Variants in SLC10A7 observed in about 807,000 individuals in gnomAD.
SLC10A7 encodes the protein sodium/bile acid cotransporter 7.
Under a neutral mutation model 43.2 loss-of-function variants are expected in SLC10A7, and 29 were observed. The ratio of observed to expected loss-of-function variants is 0.67; its 90% CI spans 0.50 to 0.92. The LOEUF (loss-of-function observed/expected upper bound fraction) is 0.92. SLC10A7 is among the 40% of genes least tolerant of loss of function. SLC10A7 has a pLI of 0.00. For missense variants in SLC10A7, 295 were observed against 403.2 expected, an observed-to-expected ratio of 0.73 and a Z score of 2.30; for synonymous variants, 152 against 144.8, an observed-to-expected ratio of 1.05 and a Z score of -0.35.
chr4:146,373,768 G>C (rs1736963052), intron 5 of SLC10A7, among the ~76,000 whole-genome samples: 1 of 152,056 alleles, frequency 6.6e-6, no homozygotes, highest in Admixed American at 6.6e-5. Flanking sequence ...CTGGAGTGGG[G>C]CCCACATATG....
intron 5 of SLC10A7, among the ~76,000 whole-genome samples, chr4:146,376,166 T>A (rs1737183674): frequency 6.6e-6 from 1 of 152,088 alleles, no homozygotes; most frequent in African/African-American, 2.4e-5. Flanking sequence ...AACCTCCACA[T>A]ATTCAGCCTC....
At chr4:146,516,076 T>C (rs922210259) in intron 2 of SLC10A7, among the ~76,000 whole-genome samples, 3 of 152,000 alleles carry the variant, frequency 2.0e-5, no homozygotes, top group African/African-American at 7.2e-5. Flanking sequence ...TTAAAATAAA[T>C]AAAGGTAAGA....
intron 5 of SLC10A7, among the ~76,000 whole-genome samples, chr4:146,378,404 T>C (rs1467518771): frequency 6.6e-6 from 1 of 152,138 alleles, no homozygotes; most frequent in Non-Finnish European, 1.5e-5. Flanking sequence ...AGAAACTGAA[T>C]CACAAAGATA....
At chr4:146,420,461 C>T (rs1728885695) in intron 5 of SLC10A7, among the ~76,000 whole-genome samples, 2 of 152,022 alleles carry the variant, frequency 1.3e-5, no homozygotes, top group South Asian at 4.1e-4. Context: ...GCTTAAAAAA[C>T]GTACTTATTA....
At chr4:146,469,744 G>C (rs764961524) in intron 4 of SLC10A7, among the ~76,000 whole-genome samples, 1 of 151,950 alleles carries the variant, frequency 6.6e-6, no homozygotes, top group Non-Finnish European at 1.5e-5. Context: ...TCCTCCCACC[G>C]CAGCTTCCCG....
intron 5 of SLC10A7, among the ~76,000 whole-genome samples, chr4:146,400,798 C>T (rs1359027409): frequency 1.3e-5 from 2 of 152,100 alleles, no homozygotes; most frequent in Admixed American, 1.3e-4. Context: ...GGGTTTCTAC[C>T]TTCCCTACAG....
chr4:146,403,492 C>G (rs1739362472), intron 5 of SLC10A7, among the ~76,000 whole-genome samples: 1 of 152,148 alleles, frequency 6.6e-6, no homozygotes, highest in Admixed American at 6.5e-5. Flanking sequence ...TGAGAGGACA[C>G]CTTTCAGGTT....
At chr4:146,484,302 T>A (rs1018109530) in intron 4 of SLC10A7, among the ~76,000 whole-genome samples, 1 of 152,174 alleles carries the variant, frequency 6.6e-6, no homozygotes, top group African/African-American at 2.4e-5. Flanking sequence ...TGCAGTGAAC[T>A]ATGATGCCAA....
At chr4:146,409,334 C>CA (rs377385983) in intron 5 of SLC10A7, among the ~76,000 whole-genome samples, 75,223 of 136,288 alleles carry the variant, frequency 0.55, 20,322 homozygotes, top group South Asian at 0.73. Context: ...TATGGCACAT[C>CA]AAAAAAAAAA....
chr4:146,465,150 T>A (rs1732902040), intron 4 of SLC10A7, among the ~76,000 whole-genome samples: 1 of 152,106 alleles, frequency 6.6e-6, no homozygotes, highest in Admixed American at 6.6e-5. Flanking sequence ...AATTAACACA[T>A]ATATTCTCTC....
At chr4:146,261,376 C>G (rs1009522966) in intron 10 of SLC10A7, among the ~76,000 whole-genome samples, 2 of 152,214 alleles carry the variant, frequency 1.3e-5, no homozygotes, top group African/African-American at 4.8e-5. Flanking sequence ...TCTGCTGCCT[C>G]TCTCCAAGCT....
chr4:146,328,806 A>C (rs1733336890), intron 5 of SLC10A7, among the ~76,000 whole-genome samples: 1 of 152,128 alleles, frequency 6.6e-6, no homozygotes, highest in Admixed American at 6.5e-5. Context: ...CTATAGATAT[A>C]TCTATAGGAA....
At chr4:146,405,616 T>C (rs966089303) in intron 5 of SLC10A7, among the ~76,000 whole-genome samples, 3 of 152,166 alleles carry the variant, frequency 2.0e-5, no homozygotes, top group African/African-American at 7.2e-5. Flanking sequence ...AGAATTGTTT[T>C]ATAATTGAGA....
chr4:146,443,095 T>A (rs758685008), intron 4 of SLC10A7, among the ~76,000 whole-genome samples: 1 of 152,182 alleles, frequency 6.6e-6, no homozygotes, highest in Non-Finnish European at 1.5e-5. Flanking sequence ...AAAAGAATCA[T>A]TGCCAATACT....
intron 5 of SLC10A7, among the ~76,000 whole-genome samples, chr4:146,415,666 T>C (rs539503817): frequency 1.3e-5 from 2 of 152,330 alleles, no homozygotes; most frequent in South Asian, 2.1e-4. Flanking sequence ...GAAAGCTATA[T>C]GATGCTTTAC....
intron 4 of SLC10A7, among the ~76,000 whole-genome samples, chr4:146,473,419 T>C (rs1733757579): frequency 6.6e-6 from 1 of 152,186 alleles, no homozygotes; most frequent in Non-Finnish European, 1.5e-5. Flanking sequence ...CTACAATATA[T>C]ATCAAGTAAG....
chr4:146,268,222 T>A (rs1247185443), intron 10 of SLC10A7, among the ~76,000 whole-genome samples: 1 of 152,190 alleles, frequency 6.6e-6, no homozygotes, highest in Non-Finnish European at 1.5e-5. Flanking sequence ...AGTCAGGAAC[T>A]ATTCGGCTAT....
chr4:146,316,988 T>G (rs866978193), intron 6 of SLC10A7, among the ~76,000 whole-genome samples: 1 of 151,970 alleles, frequency 6.6e-6, no homozygotes, highest in South Asian at 2.1e-4. Context: ...TTTACAGAGG[T>G]AAAAACTGAG....
intron 5 of SLC10A7, among the ~76,000 whole-genome samples, chr4:146,375,675 G>A (rs115024533): frequency 6.6e-6 from 1 of 151,998 alleles, no homozygotes; most frequent in African/African-American, 2.4e-5. Flanking sequence ...CCAACAGAAT[G>A]TTGTAAAGGC....
Sources: gnomAD v4.1 joint callset for allele counts (sites outside exome capture counted in the v4.1 genomes callset) on GRCh38, gnomAD v4.1.1 for gene constraint, MANE v1.5 for transcripts, NCBI Gene and HGNC (gene_info 2026-07-23, HGNC 2026-07-21) for gene names.